PTPRD: variants seen among roughly 807,000 people sequenced by gnomAD.
PTPRD encodes the protein receptor-type tyrosine-protein phosphatase delta.
In PTPRD, 34 loss-of-function variants were observed where a neutral mutation model predicts 214.5. The observed-to-expected ratio is 0.16, with a 90% confidence interval of 0.12 to 0.21. PTPRD has a LOEUF of 0.21. Ranked by LOEUF, PTPRD falls within the 10% of genes least tolerant of loss-of-function variation. The pLI is 1.00. For missense variants in PTPRD, 2,545 were observed against 2,398.7 expected (o/e 1.06, Z -1.27); for synonymous variants, 1,128 against 845.7 (o/e 1.33, Z -5.79).
rs112997636 is a variant in PTPRD at position 10,530,741 on chromosome 9, T to C, written c.-600+81657A>G. Among the ~76,000 whole-genome samples, 129 of 152,192 alleles carry C rather than the reference T, an allele frequency of 8.5e-4. 1 individual carries two copies. The highest frequency in any genetic ancestry group is 2.6e-3 in the African/African-American group (110 of 41,526). On this transcript the variant is annotated intron_variant, in intron 2 of 45. Transcript: ENST00000381196. ...ATCTGACAATCAAAATAAATAATGA[T>C]GACAGTGAACTATAATGTATTGAAC...
In PTPRD at chr9:8,538,256, GAAATGTATATTT is replaced by G. The variant is rs1310875195; in HGVS notation, c.353-9489_353-9478del. 1.6e-3 allele frequency among the ~76,000 whole-genome samples: 239 copies of G among 151,912 alleles called. 1 individual carries two copies. The highest frequency in any genetic ancestry group is 5.5e-3 in the African/African-American group (229 of 41,492). ...TATTCAAATAATTAACCACTTTACC[GAAATGTATATTT>G]AAATCATAAAATGAATTTTATTATT... On this transcript the variant is annotated intron_variant, in intron 14 of 45. Transcript: ENST00000381196.
At chr9:9,643,279 A>G (rs918725069) in intron 7 of PTPRD, among the ~76,000 whole-genome samples, 4 of 152,176 alleles carry the variant, frequency 2.6e-5, no homozygotes, top group African/African-American at 9.6e-5. Context: ...CTTGATGACA[A>G]ACTGCAACAT....
chr9:10,382,524 T>C (rs1340332113), intron 2 of PTPRD, among the ~76,000 whole-genome samples: 1 of 151,896 alleles, frequency 6.6e-6, no homozygotes, highest in Non-Finnish European at 1.5e-5. Context: ...TTCCTGCTTT[T>C]ATGTTGTAGA....
intron 4 of PTPRD, among the ~76,000 whole-genome samples, chr9:9,966,153 T>C (rs542435321): frequency 3.3e-5 from 5 of 152,314 alleles, no homozygotes; most frequent in African/African-American, 1.2e-4. Flanking sequence ...GAGACCATCC[T>C]AAATTGGCAA....
intron 3 of PTPRD, among the ~76,000 whole-genome samples, chr9:10,059,535 A>C (rs1421105461): frequency 6.6e-6 from 1 of 152,148 alleles, no homozygotes; most frequent in Non-Finnish European, 1.5e-5. Flanking sequence ...CTCAAGAGAA[A>C]GAGGTTTTAT....
intron 5 of PTPRD, among the ~76,000 whole-genome samples, chr9:9,769,317 CTTTTTTTTTTTTT>C (rs34497562): frequency 2.7e-4 from 19 of 69,606 alleles, no homozygotes; most frequent in African/African-American, 5.8e-4. Context: ...ACCAGAAGCC[CTTTTTTTTTTTTT>C]TTTTTTTTTT....
intron 5 of PTPRD, among the ~76,000 whole-genome samples, chr9:9,919,376 C>T (rs752000119): frequency 1.1e-4 from 17 of 152,090 alleles, no homozygotes; most frequent in Non-Finnish European, 2.5e-4. Flanking sequence ...TCAAAGTCCC[C>T]CCACAGGAAG....
Position 10,074,578 on chromosome 9 carries a change from T to C in PTPRD, c.-544-40788A>G, listed in dbSNP as rs577549265. 2.6e-5 allele frequency among the ~76,000 whole-genome samples: 4 copies of C among 152,246 alleles called. No homozygotes were observed. The South Asian group carries it at 8.3e-4, about 32-fold the overall frequency. ...AAAAATAATGCACAGACACATTCTA[T>C]TTTCACTTGATTTCATGATGCTTTC... On this transcript the variant is annotated intron_variant, in intron 3 of 45. Coordinates refer to ENST00000381196, the MANE Select transcript of PTPRD (RefSeq NM_002839.4).
At chr9:9,689,187 C>T (rs757688159) in intron 7 of PTPRD, among the ~76,000 whole-genome samples, 8 of 151,716 alleles carry the variant, frequency 5.3e-5, no homozygotes, top group Admixed American at 6.6e-5. Flanking sequence ...CCAGAGACTA[C>T]TTATTTAGCT....
intron 11 of PTPRD, among the ~76,000 whole-genome samples, chr9:8,913,983 C>T (rs780724897): frequency 1.3e-5 from 2 of 152,054 alleles, no homozygotes; most frequent in Non-Finnish European, 2.9e-5. Flanking sequence ...TGAAAAGATA[C>T]ATGGTGCTGT....
intron 9 of PTPRD, among the ~76,000 whole-genome samples, chr9:9,358,347 T>C (rs1028506209): frequency 6.6e-6 from 1 of 151,364 alleles, no homozygotes; most frequent in Non-Finnish European, 1.5e-5. Context: ...GTATTCTTTT[T>C]GGTGCTTTAA....
At position 8,624,901 on chromosome 9, in the gene PTPRD, G is replaced by T. The variant is rs117304888; in HGVS notation, c.352+8416C>A. 4.0e-3 allele frequency among the ~76,000 whole-genome samples: 613 copies of T among 151,828 alleles called. 7 individuals carry two copies. The highest frequency in any genetic ancestry group is 0.023 in the Admixed American group (350 of 15,216). On this transcript the variant is annotated intron_variant, in intron 14 of 45. Transcript: ENST00000381196. ...ATCTTGCAGAGGCCACTGAAATAAT[G>T]ACTATTTTGTTCATTATATGTAAAG... is the stretch of plus-strand genomic sequence containing the variant.
chr9:8,818,604 T>A (rs891633505), intron 11 of PTPRD, among the ~76,000 whole-genome samples: 1 of 152,178 alleles, frequency 6.6e-6, no homozygotes, highest in African/African-American at 2.4e-5. Flanking sequence ...AGCCACATAG[T>A]CAAAAAGTTA....
intron 3 of PTPRD, among the ~76,000 whole-genome samples, chr9:10,109,619 T>C (rs2098671548): frequency 2.0e-5 from 3 of 152,178 alleles, no homozygotes; most frequent in Admixed American, 1.3e-4. Flanking sequence ...TAACTATTAT[T>C]ATGTTCATCT....
chr9:9,842,835 A>AT (rs375517628), intron 5 of PTPRD, among the ~76,000 whole-genome samples: 3,334 of 151,164 alleles, frequency 0.022, 101 homozygotes, highest in African/African-American at 0.075. Flanking sequence ...TCTTCAGTGG[A>AT]TTTTTTTTTG....
intron 11 of PTPRD, among the ~76,000 whole-genome samples, chr9:8,786,965 C>A (rs1333736800): frequency 1.3e-5 from 2 of 151,056 alleles, no homozygotes; most frequent in Non-Finnish European, 3.0e-5. Flanking sequence ...AGTGTAGTGG[C>A]AGCTGGGACT....
At chr9:8,583,447 G>A (rs572567389) in intron 14 of PTPRD, among the ~76,000 whole-genome samples, 7 of 152,160 alleles carry the variant, frequency 4.6e-5, no homozygotes, top group Non-Finnish European at 7.3e-5. Context: ...AGCCTCCTGA[G>A]TAGCTAGGAC....
At chr9:10,293,663 CA>C (rs1442092788) in intron 3 of PTPRD, among the ~76,000 whole-genome samples, 1 of 151,848 alleles carries the variant, frequency 6.6e-6, no homozygotes, top group Non-Finnish European at 1.5e-5. Context: ...CCCATGATGG[CA>C]AAAGCTTAAA....
Position 8,505,939 on chromosome 9 carries a change from A to T in PTPRD, c.1677+1362T>A, listed in dbSNP as rs115200416. On this transcript the variant is annotated intron_variant, in intron 22 of 45. Transcript: ENST00000381196. ...TGCTGATTTACACCTTACAGAAAACACCAATAGCTCAAGTTGTACCATGAA... is the reference window on the plus strand; with the variant it reads ...TGCTGATTTACACCTTACAGAAAACTCCAATAGCTCAAGTTGTACCATGAA... Among the ~76,000 whole-genome samples, 806 of 152,294 alleles carry T rather than the reference A, an allele frequency of 5.3e-3. 8 individuals are homozygous for T. Among genetic ancestry groups the T allele is most frequent in the African/African-American group, 0.018 (745 of 41,544 alleles).
Sources: allele counts gnomAD v4.1 joint callset (sites outside exome capture counted in the v4.1 genomes callset), GRCh38; gene constraint gnomAD v4.1.1; transcripts MANE v1.5; gene names NCBI Gene and HGNC (gene_info 2026-07-23, HGNC 2026-07-21).